Variants in MALAT1 observed in about 807,000 individuals in gnomAD.
The protein encoded by MALAT1 is hepcarcin.
chr11:65,498,697 T>C (rs765832462), exon 2 of MALAT1: 2 of 518,640 alleles, frequency 3.9e-6, no homozygotes, highest in Admixed American at 1.9e-5. Context: ...AAACTATACC[T>C]ACTGTCCCTC....
At chr11:65,501,681 T>G (rs1240343313) in exon 3 of MALAT1, 1 of 518,900 alleles carries the variant, frequency 1.9e-6, no homozygotes, top group Non-Finnish European at 3.8e-6. Flanking sequence ...GGAGCTGCTT[T>G]TATCCTTGGA....
exon 3 of MALAT1, chr11:65,501,974 A>G (rs1470566656): frequency 1.9e-6 from 1 of 512,938 alleles, no homozygotes; most frequent in Non-Finnish European, 3.9e-6. Context: ...TTAGAATGGA[A>G]AAAGTAAAGA....
intron 1 of MALAT1, chr11:65,498,341 T>C (rs1565671861): frequency 3.9e-6 from 2 of 517,816 alleles, no homozygotes; most frequent in East Asian, 1.1e-4. Flanking sequence ...CGTGGGGGGC[T>C]GGCGGCAACT....
chr11:65,501,045 G>T (rs763087273), exon 3 of MALAT1: 1 of 509,582 alleles, frequency 2.0e-6, no homozygotes, highest in Non-Finnish European at 3.9e-6. Context: ...AAAACCAAAT[G>T]AATTTGATAG....
exon 3 of MALAT1, chr11:65,502,622 T>G: frequency 2.1e-6 from 1 of 479,858 alleles, no homozygotes; most frequent in South Asian, 1.6e-5. Flanking sequence ...GGGGAAACTT[T>G]TTTTTTTTCT....
At chr11:65,499,362 A>G (rs1366102415) in exon 3 of MALAT1, 6 of 493,390 alleles carry the variant, frequency 1.2e-5, no homozygotes, top group Non-Finnish European at 2.4e-5. Flanking sequence ...AATTGAGAGA[A>G]AGGACTACAG....
exon 3 of MALAT1, chr11:65,501,644 C>G (rs1261440955): frequency 3.9e-6 from 2 of 518,976 alleles, no homozygotes; most frequent in Non-Finnish European, 7.7e-6. Flanking sequence ...TACCGCTGTG[C>G]TGTTGGCACG....
intron 3 of MALAT1, chr11:65,504,765 T>C (rs1225527564): frequency 3.9e-6 from 2 of 518,902 alleles, no homozygotes; most frequent in African/African-American, 1.9e-5. Context: ...CTTTAGTGCA[T>C]TGTTTATGTG....
chr11:65,500,964 C>T, exon 3 of MALAT1: 2 of 511,200 alleles, frequency 3.9e-6, no homozygotes, highest in Non-Finnish European at 7.8e-6. Context: ...CTTTTGAGGG[C>T]AGACTGCCAA....
intron 3 of MALAT1, chr11:65,504,305 T>A (rs1854624851): frequency 2.0e-6 from 1 of 495,190 alleles, no homozygotes; most frequent in Non-Finnish European, 4.0e-6. Flanking sequence ...TTACTTGTTG[T>A]AGCTTTTTTT....
At chr11:65,506,210 C>G (rs767727570) in intron 3 of MALAT1, 1 of 452,496 alleles carries the variant, frequency 2.2e-6, no homozygotes, top group African/African-American at 2.1e-5. Context: ...AGGACTCTTT[C>G]TGTATTTCTC....
chr11:65,498,074 G>A (rs777634858), intron 1 of MALAT1: 3 of 518,872 alleles, frequency 5.8e-6, no homozygotes, highest in Non-Finnish European at 1.2e-5. Flanking sequence ...AAGGTCTGAA[G>A]CTCATACCTA....
intron 3 of MALAT1, chr11:65,504,428 A>G (rs1854630583): frequency 1.9e-6 from 1 of 518,870 alleles, no homozygotes; most frequent in East Asian, 5.4e-5. Context: ...TGCATTGTGA[A>G]ACGACTGGAG....
chr11:65,503,025 T>C (rs373237121), exon 3 of MALAT1: 7 of 504,964 alleles, frequency 1.4e-5, no homozygotes, highest in African/African-American at 9.7e-5. Context: ...ACATTAATCC[T>C]GGAATAAAAG....
At chr11:65,503,812 A>G in exon 3 of MALAT1, 1 of 516,156 alleles carries the variant, frequency 1.9e-6, no homozygotes, top group South Asian at 1.4e-5. Flanking sequence ...AGGAAAGACA[A>G]ATTTTATTCT....
chr11:65,504,101 C>T (rs776226906), intron 3 of MALAT1: 2 of 516,898 alleles, frequency 3.9e-6, no homozygotes, highest in Non-Finnish European at 3.9e-6. Context: ...GGAGGGGGTG[C>T]CTGTGGGGTT....
intron 3 of MALAT1, chr11:65,504,321 T>C (rs772697871): frequency 2.0e-6 from 1 of 496,882 alleles, no homozygotes; most frequent in African/African-American, 2.0e-5. Flanking sequence ...TTTTTTTTTT[T>C]ACAGACTTCA....
chr11:65,504,415 G>A (rs753276466), intron 3 of MALAT1: 11 of 518,570 alleles, frequency 2.1e-5, no homozygotes, highest in Non-Finnish European at 4.2e-5. Context: ...GCTGCTATTA[G>A]AATGCATTGT....
At chr11:65,499,099 A>AG (rs769566500) in exon 3 of MALAT1, 1 of 518,392 alleles carries the variant, frequency 1.9e-6, no homozygotes, top group Non-Finnish European at 3.9e-6. Flanking sequence ...GCGGAGCTTG[A>AG]GGAAACCGCA....
Sources: gnomAD v4.1 joint callset for allele counts on GRCh38, gnomAD v4.1.1 for gene constraint, MANE v1.5 for transcripts, NCBI Gene and HGNC (gene_info 2026-07-23, HGNC 2026-07-21) for gene names.